The following MVB12B variants were observed in gnomAD, a reference collection of about 807,000 sequenced individuals.
MVB12B encodes the protein multivesicular body subunit 12B, also known as ESCRT-I complex subunit MVB12B.
Under a neutral mutation model 41.6 loss-of-function variants are expected in MVB12B, and 16 were observed. That is an observed-to-expected ratio of 0.38 (90% CI 0.26 to 0.58). The LOEUF (loss-of-function observed/expected upper bound fraction) is 0.58. Among genes scored for constraint, MVB12B ranks in the 20% least tolerant of loss-of-function variants. MVB12B has a pLI of 0.62. For synonymous variants in MVB12B, 133 were observed against 139.7 expected, an observed-to-expected ratio of 0.95 and a Z score of 0.34; for missense variants, 274 against 380.2, an observed-to-expected ratio of 0.72 and a Z score of 2.32.
At chr9:126,364,829 G>T (rs537628585) in intron 2 of MVB12B, among the ~76,000 whole-genome samples, 14 of 152,116 alleles carry the variant, frequency 9.2e-5, no homozygotes. Context: ...TCCACTCACT[G>T]CAAGCTCCGC....
At chr9:126,502,505 G>T (rs1417119432) in intron 9 of MVB12B, among the ~76,000 whole-genome samples, 1 of 152,160 alleles carries the variant, frequency 6.6e-6, no homozygotes, top group Non-Finnish European at 1.5e-5. Flanking sequence ...CCCCCAGACA[G>T]GGGAGCAGCA....
At chr9:126,483,011 G>A (rs1378490086) in intron 8 of MVB12B, among the ~76,000 whole-genome samples, 1 of 152,242 alleles carries the variant, frequency 6.6e-6, no homozygotes, top group Admixed American at 6.5e-5. Context: ...TCCAGAGCTG[G>A]CCTCACAGGA....
chr9:126,336,936 A>AG (rs887496159), intron 1 of MVB12B, among the ~76,000 whole-genome samples: 1 of 152,188 alleles, frequency 6.6e-6, no homozygotes, highest in African/African-American at 2.4e-5. Flanking sequence ...ATGACCTGCG[A>AG]GGTGAAAGTA....
At chr9:126,402,474 CA>C (rs1831292515) in intron 6 of MVB12B, among the ~76,000 whole-genome samples, 1 of 151,776 alleles carries the variant, frequency 6.6e-6, no homozygotes. Flanking sequence ...CCCGTCTCTA[CA>C]AAAAAATCAA....
intron 2 of MVB12B, among the ~76,000 whole-genome samples, chr9:126,341,474 G>A (rs764392964): frequency 5.3e-5 from 8 of 152,174 alleles, no homozygotes; most frequent in Non-Finnish European, 8.8e-5. Context: ...CACTGAAAAT[G>A]TGCACCAAGA....
At chr9:126,370,720 T>C (rs1346058098) in intron 2 of MVB12B, among the ~76,000 whole-genome samples, 1 of 152,108 alleles carries the variant, frequency 6.6e-6, no homozygotes, top group East Asian at 1.9e-4. Flanking sequence ...GATGTTAATC[T>C]ATTGTCACTG....
intron 9 of MVB12B, among the ~76,000 whole-genome samples, chr9:126,499,386 C>T (rs952220013): frequency 1.3e-5 from 2 of 152,090 alleles, no homozygotes; most frequent in Non-Finnish European, 2.9e-5. Context: ...CCCGGCGCTG[C>T]GCAGCTGGAC....
chr9:126,477,522 T>G (rs1477437096), intron 7 of MVB12B, among the ~76,000 whole-genome samples: 1 of 152,122 alleles, frequency 6.6e-6, no homozygotes, highest in East Asian at 1.9e-4. Context: ...CACCTCACAA[T>G]CATGGCAGAA....
At chr9:126,377,074 C>T (rs1830501245) in intron 2 of MVB12B, among the ~76,000 whole-genome samples, 1 of 152,174 alleles carries the variant, frequency 6.6e-6, no homozygotes, top group African/African-American at 2.4e-5. Flanking sequence ...TGCCTCTCCC[C>T]TCTTGCTCGT....
chr9:126,418,386 T>C (rs112908603), intron 6 of MVB12B, among the ~76,000 whole-genome samples: 4,141 of 152,272 alleles, frequency 0.027, 74 homozygotes, highest in Non-Finnish European at 0.041. Context: ...ATATATTTCT[T>C]TTAAGTCCTA....
At chr9:126,494,051 A>G (rs1240150432) in intron 9 of MVB12B, among the ~76,000 whole-genome samples, 1 of 151,914 alleles carries the variant, frequency 6.6e-6, no homozygotes, top group Non-Finnish European at 1.5e-5. Flanking sequence ...TAGTTTCAAT[A>G]TTAACCCATA....
chr9:126,329,412 C>T (rs905124009), intron 1 of MVB12B, among the ~76,000 whole-genome samples: 2 of 151,972 alleles, frequency 1.3e-5, no homozygotes, highest in African/African-American at 2.4e-5. Context: ...TTTTCAGGTC[C>T]GATGTTTATA....
At chr9:126,355,555 G>A (rs1291815979) in intron 2 of MVB12B, among the ~76,000 whole-genome samples, 1 of 152,204 alleles carries the variant, frequency 6.6e-6, no homozygotes, top group Non-Finnish European at 1.5e-5. Flanking sequence ...TATAACTTAA[G>A]GCCTGCTGGC....
chr9:126,430,509 GTT>G lies in MVB12B; in HGVS notation c.757+8564_757+8565del, dbSNP rs1412745553. Among the ~76,000 whole-genome samples, 4 of 151,988 alleles carry G rather than the reference GTT, an allele frequency of 2.6e-5. No homozygotes were observed. The East Asian group carries it at 7.7e-4, about 29-fold the overall frequency. Reference sequence around the variant, plus strand: ...TTACCCCACACTACTCTGTTGGAGAGTTTTCACCTGTGAGCACCTTGAGTGAG... The same window carrying G: ...TTACCCCACACTACTCTGTTGGAGAGTTCACCTGTGAGCACCTTGAGTGAG... On this transcript the variant is annotated intron_variant, in intron 7 of 9. Coordinates refer to ENST00000361171, the MANE Select transcript of MVB12B (RefSeq NM_033446.3).
chr9:126,453,086 C>T lies in MVB12B; in HGVS notation c.758-28283C>T, dbSNP rs553905052. 7.2e-5 allele frequency among the ~76,000 whole-genome samples: 11 copies of T among 151,884 alleles called. No individual in the cohort carries two copies. In the East Asian group the frequency reaches 9.7e-4, roughly 13 times the overall value. Reference sequence around the variant, plus strand: ...AGAGGGGCTGAAAATGCCTGCCTCCCGGGATTGTGGTAAAGACTAATTAAG... The same window carrying T: ...AGAGGGGCTGAAAATGCCTGCCTCCTGGGATTGTGGTAAAGACTAATTAAG... On this transcript the variant is annotated intron_variant, in intron 7 of 9. Coordinates refer to ENST00000361171, the MANE Select transcript of MVB12B (RefSeq NM_033446.3).
chr9:126,368,498 G>A lies in MVB12B; in HGVS notation c.205-12566G>A, dbSNP rs114164965. Reference sequence around the variant, plus strand: ...AACTCCTTGGATACCGTGGTAGAGAGAGGGTTGGAGAACCTTGTCTTTAAA... The same window carrying A: ...AACTCCTTGGATACCGTGGTAGAGAAAGGGTTGGAGAACCTTGTCTTTAAA... On this transcript the variant is annotated intron_variant, in intron 2 of 9. Coordinates refer to ENST00000361171, the MANE Select transcript of MVB12B (RefSeq NM_033446.3). 3.6e-3 allele frequency among the ~76,000 whole-genome samples: 549 copies of A among 152,284 alleles called. 2 individuals carry two copies. Among genetic ancestry groups the A allele is most frequent in the African/African-American group, 0.013 (527 of 41,544 alleles).
At chr9:126,368,827 C>G (rs1830256045) in intron 2 of MVB12B, among the ~76,000 whole-genome samples, 1 of 152,020 alleles carries the variant, frequency 6.6e-6, no homozygotes, top group Admixed American at 6.6e-5. Context: ...ATTTTTCTTC[C>G]TGACTTTTTT....
At chr9:126,455,887 C>CTTTTTTTTTTTTTT (rs3983803) in intron 7 of MVB12B, among the ~76,000 whole-genome samples, 5 of 103,052 alleles carry the variant, frequency 4.9e-5, no homozygotes, top group African/African-American at 8.0e-5. Context: ...TTCTTTCTTT[C>CTTTTTTTTTTTTTT]TTTTTTTTTT....
rs536884499 is a variant in MVB12B at position 126,392,450 on chromosome 9, C to G, written c.539+255C>G. ...ATTCAGCCTTGAAGCTCCTCTGGGT[C>G]CTTCCCCGACACCCTGTGATGCCAC... On this transcript the variant is annotated intron_variant, in intron 5 of 9. Transcript: ENST00000361171. This position sits in a 1 kb window ranked among gnomAD's most constrained non-coding sequence, Gnocchi z 4.8. Among the ~76,000 whole-genome samples the G allele has an allele frequency of 2.3e-4, 35 of 152,338 alleles. No homozygotes were observed. The highest frequency in any genetic ancestry group is 8.2e-4 in the African/African-American group (34 of 41,582).
Sources: gnomAD v4.1 joint callset for allele counts (sites outside exome capture counted in the v4.1 genomes callset) on GRCh38, gnomAD v4.1.1 for gene constraint, Gnocchi (gnomAD v3.1) non-coding constraint, MANE v1.5 for transcripts, NCBI Gene and HGNC (gene_info 2026-07-23, HGNC 2026-07-21) for gene names.